Variants in CNTN4 observed in about 807,000 individuals in gnomAD.
CNTN4 encodes contactin 4.
A neutral mutation model predicts 122.5 loss-of-function variants in CNTN4; 77 were observed. That is an observed-to-expected ratio of 0.63 (90% confidence interval 0.52 to 0.76). CNTN4 has a LOEUF of 0.76. Among genes scored for constraint, CNTN4 ranks in the 30% least tolerant of loss-of-function variants. CNTN4 has a pLI of 0.00. For missense variants in CNTN4, 1,256 were observed against 1,259.1 expected (o/e 1.00, Z 0.04); for synonymous variants, 512 against 447.0 (o/e 1.15, Z -1.83).
At chr3:2,604,084 T>C (rs899228808) in intron 4 of CNTN4, among the ~76,000 whole-genome samples, 2 of 152,152 alleles carry the variant, frequency 1.3e-5, no homozygotes, top group Non-Finnish European at 2.9e-5. Context: ...AAGTGAGATG[T>C]AATTTCTGTC....
At chr3:3,000,977 C>G (rs1695981116) in intron 14 of CNTN4, among the ~76,000 whole-genome samples, 2 of 147,402 alleles carry the variant, frequency 1.4e-5, no homozygotes, top group Non-Finnish European at 3.0e-5. Context: ...GTAATATATT[C>G]TCAAGTAACC....
At chr3:2,262,731 CTTAG>C (rs2040885936) in intron 2 of CNTN4, among the ~76,000 whole-genome samples, 2 of 151,030 alleles carry the variant, frequency 1.3e-5, no homozygotes, top group South Asian at 2.1e-4. Context: ...AAATACTATA[CTTAG>C]TTAGGGTTAG....
rs181755335 is a variant in CNTN4, at chr3:2,175,607, A to G, written c.-145+74968A>G. ...GACAGAGGCTTCTTCAATGCCATAC[A>G]GAGGATTGGGCTTGAGTAGTAACTA... is the stretch of plus-strand genomic sequence containing the variant. On this transcript the variant is annotated intron_variant, in intron 2 of 24. Transcript: ENST00000418658. 1.2e-4 allele frequency among the ~76,000 whole-genome samples: 18 copies of G among 152,332 alleles called. No homozygotes were observed. In the East Asian group the frequency reaches 3.3e-3, roughly 28 times the overall value.
chr3:2,208,313 TC>T (rs1481206990), intron 2 of CNTN4, among the ~76,000 whole-genome samples: 2 of 152,140 alleles, frequency 1.3e-5, no homozygotes, highest in East Asian at 3.8e-4. Context: ...TTACAGAGGT[TC>T]AAGATTTCAG....
At chr3:2,197,364 T>C (rs1402469609) in intron 2 of CNTN4, among the ~76,000 whole-genome samples, 3 of 152,338 alleles carry the variant, frequency 2.0e-5, no homozygotes, top group South Asian at 2.1e-4. Flanking sequence ...TTAATTGATA[T>C]ACATTTATGA....
At chr3:2,855,512 G>T (rs1322680277) in intron 7 of CNTN4, among the ~76,000 whole-genome samples, 1 of 152,214 alleles carries the variant, frequency 6.6e-6, no homozygotes, top group Admixed American at 6.5e-5. Flanking sequence ...GGAAAGTTGT[G>T]GTTCTGCTGA....
intron 13 of CNTN4, among the ~76,000 whole-genome samples, chr3:2,940,611 G>A (rs1352591415): frequency 1.3e-5 from 2 of 152,054 alleles, no homozygotes; most frequent in African/African-American, 4.8e-5. Flanking sequence ...GTAAGGGAGG[G>A]GAGATGATTC....
chr3:2,911,314 T>C lies in CNTN4; in HGVS notation c.1207+8309T>C, dbSNP rs549898670. Reference sequence around the variant, plus strand: ...GCAGCACTAGAAAGTCCACAGTACCTGATAAAGACACCAAGGGAAGCTCCT... The same window carrying C: ...GCAGCACTAGAAAGTCCACAGTACCCGATAAAGACACCAAGGGAAGCTCCT... On this transcript the variant is annotated intron_variant, in intron 12 of 24. Coordinates refer to ENST00000418658, the MANE Select transcript of CNTN4 (RefSeq NM_175607.3). 9.2e-5 allele frequency among the ~76,000 whole-genome samples: 14 copies of C among 152,276 alleles called. No individual in the cohort carries two copies. The East Asian group carries it at 2.5e-3, about 27-fold the overall frequency.
intron 7 of CNTN4, among the ~76,000 whole-genome samples, chr3:2,828,184 G>A (rs1288638158): frequency 1.3e-5 from 2 of 151,934 alleles, no homozygotes; most frequent in Non-Finnish European, 2.9e-5. Context: ...TATAATCCTA[G>A]TTTTAAAAAC....
At chr3:2,736,737 A>G (rs2320959) in intron 5 of CNTN4, among the ~76,000 whole-genome samples, 3 of 151,798 alleles carry the variant, frequency 2.0e-5, no homozygotes, top group Admixed American at 6.6e-5. Context: ...TGCTGGGATT[A>G]CAGGCGTGAG....
chr3:2,604,810 A>C (rs2081191470), intron 4 of CNTN4, among the ~76,000 whole-genome samples: 1 of 152,098 alleles, frequency 6.6e-6, no homozygotes, highest in Admixed American at 6.6e-5. Context: ...CACCTCCATA[A>C]GTTTTCTCCT....
intron 6 of CNTN4, among the ~76,000 whole-genome samples, chr3:2,774,309 C>T (rs1474919505): frequency 6.8e-6 from 1 of 146,158 alleles, no homozygotes; most frequent in African/African-American, 2.8e-5. Flanking sequence ...AGCTGCATTA[C>T]CCCCACCCCA....
At chr3:3,006,663 G>C (rs1003728028) in intron 14 of CNTN4, among the ~76,000 whole-genome samples, 2 of 152,138 alleles carry the variant, frequency 1.3e-5, no homozygotes, top group African/African-American at 4.8e-5. Context: ...AGCAGACCAA[G>C]GAAAAACAGA....
At chr3:2,290,424 A>C (rs1446786927) in intron 2 of CNTN4, among the ~76,000 whole-genome samples, 3 of 152,206 alleles carry the variant, frequency 2.0e-5, no homozygotes, top group Admixed American at 6.5e-5. Flanking sequence ...TTATACGTAC[A>C]ACACCTGTTA....
chr3:2,834,506 G>T (rs1257127942), intron 7 of CNTN4, among the ~76,000 whole-genome samples: 3 of 151,972 alleles, frequency 2.0e-5, no homozygotes, highest in African/African-American at 7.3e-5. Context: ...GGCGAAGTTT[G>T]CAGTGAGCCA....
intron 13 of CNTN4, among the ~76,000 whole-genome samples, chr3:2,974,858 C>G (rs1449920907): frequency 6.6e-6 from 1 of 152,160 alleles, no homozygotes; most frequent in Non-Finnish European, 1.5e-5. Context: ...AAAGCATGAT[C>G]CTGCCATCAC....
chr3:2,448,673 T>C lies in CNTN4; in HGVS notation c.-89+109440T>C, dbSNP rs996543745. ...ATGGATATATTCTGCTAGTAACATA[T>C]CGTGGCAGCTGTATCCGTTATCCAT... On this transcript the variant is annotated intron_variant, in intron 3 of 24. Coordinates refer to ENST00000418658, the MANE Select transcript of CNTN4 (RefSeq NM_175607.3). Among the ~76,000 whole-genome samples, 11 of 152,288 alleles carry C rather than the reference T, an allele frequency of 7.2e-5. No individual in the cohort carries two copies. The East Asian group carries it at 2.1e-3, about 29-fold the overall frequency.
At chr3:2,585,877 G>GAA (rs199795637) in intron 4 of CNTN4, among the ~76,000 whole-genome samples, 1 of 139,498 alleles carries the variant, frequency 7.2e-6, no homozygotes, top group African/African-American at 2.6e-5. Flanking sequence ...CAGAGGGGGA[G>GAA]AAAAAAAAAA....
At chr3:2,868,510 A>G (rs920778658) in intron 8 of CNTN4, among the ~76,000 whole-genome samples, 6 of 152,192 alleles carry the variant, frequency 3.9e-5, no homozygotes, top group Non-Finnish European at 8.8e-5. Flanking sequence ...TTTGTGCCCA[A>G]GTGATGCTCT....
Sources: gnomAD v4.1 joint callset for allele counts (sites outside exome capture counted in the v4.1 genomes callset) on GRCh38, gnomAD v4.1.1 for gene constraint, MANE v1.5 for transcripts, NCBI Gene and HGNC (gene_info 2026-07-23, HGNC 2026-07-21) for gene names.